The following CLPB variants were observed in gnomAD, a reference collection of about 807,000 sequenced individuals.
CLPB encodes the protein mitochondrial disaggregase.
In CLPB, 40 loss-of-function variants were observed where a neutral mutation model predicts 78.4. The observed-to-expected ratio is 0.51, with a 90% confidence interval of 0.40 to 0.66. The LOEUF is 0.66. CLPB is among the 30% of genes least tolerant of loss of function. The pLI, the probability that CLPB is intolerant of heterozygous loss-of-function variation, is 0.00. For synonymous variants in CLPB, 333 were observed against 348.0 expected (o/e 0.96, Z 0.48); for missense variants, 780 against 886.9 (o/e 0.88, Z 1.53).
intron 11 of CLPB, among the ~76,000 whole-genome samples, chr11:72,298,222 TCTTA>T (rs1266027594): frequency 5.9e-5 from 9 of 152,130 alleles, no homozygotes; most frequent in African/African-American, 1.9e-4. Context: ...GCAATAGGGT[TCTTA>T]CTTTTCTGGG....
intron 2 of CLPB, among the ~76,000 whole-genome samples, chr11:72,422,658 A>C (rs545820670): frequency 2.0e-5 from 3 of 152,314 alleles, no homozygotes; most frequent in African/African-American, 7.2e-5. Context: ...GGATATTTAC[A>C]TACTTCCTGA....
At chr11:72,375,783 G>A (rs985978732) in intron 4 of CLPB, among the ~76,000 whole-genome samples, 3 of 152,208 alleles carry the variant, frequency 2.0e-5, no homozygotes, top group African/African-American at 7.2e-5. Context: ...CAGAGTGCCT[G>A]ATACTCGGTA....
intron 6 of CLPB, among the ~76,000 whole-genome samples, chr11:72,326,544 T>G (rs1053889746): frequency 2.6e-5 from 4 of 152,182 alleles, no homozygotes; most frequent in Admixed American, 1.3e-4. Flanking sequence ...ATAATTTGAC[T>G]ACAGAGTGGT....
At chr11:72,430,183 G>T in intron 2 of CLPB, 129 bp downstream of exon 2, 1 of 846,822 alleles carries the variant, frequency 1.2e-6, no homozygotes, top group Non-Finnish European at 1.9e-6. Context: ...TGTGACTACA[G>T]AGATGTCACA....
chr11:72,394,363 AT>A (rs1276191151), intron 3 of CLPB, among the ~76,000 whole-genome samples: 2 of 151,934 alleles, frequency 1.3e-5, no homozygotes, highest in Non-Finnish European at 2.9e-5. Flanking sequence ...ATGCTTTCCT[AT>A]CCCCAACTGC....
At chr11:72,341,040 G>A (rs997743390) in intron 5 of CLPB, among the ~76,000 whole-genome samples, 4 of 152,144 alleles carry the variant, frequency 2.6e-5, no homozygotes, top group Non-Finnish European at 5.9e-5. Flanking sequence ...AGCCAGGATG[G>A]TCATCTCCTG....
intron 6 of CLPB, among the ~76,000 whole-genome samples, chr11:72,318,067 A>C (rs1949980798): frequency 6.6e-6 from 1 of 152,258 alleles, no homozygotes; most frequent in Non-Finnish European, 1.5e-5. Context: ...TCTTTCACTA[A>C]AAACACAAAA....
intron 5 of CLPB, among the ~76,000 whole-genome samples, chr11:72,330,689 A>G (rs1376605178): frequency 1.3e-5 from 2 of 152,248 alleles, no homozygotes; most frequent in African/African-American, 4.8e-5. Flanking sequence ...AGGATGCAGA[A>G]GAATCAGATC....
intron 1 of CLPB, 70 bp downstream of exon 1, chr11:72,434,001 AC>A: frequency 6.5e-7 from 1 of 1,540,774 alleles, no homozygotes; most frequent in East Asian, 2.3e-5. Flanking sequence ...AGTACCTCCC[AC>A]CCTCCTAAGA....
Position 72,385,772 on chromosome 11 carries a change from G to A in CLPB, c.543-5388C>T, listed in dbSNP as rs1197137111. Among the ~76,000 whole-genome samples the A allele has an allele frequency of 2.6e-5, 4 of 152,154 alleles. 1 individual carries two copies. Among genetic ancestry groups the A allele is most frequent in the African/African-American group, 7.2e-5 (3 of 41,428 alleles). On this transcript the variant is annotated intron_variant, in intron 3 of 15. Transcript: ENST00000538039. ...CGGGAGGCGGAGGATGCAGTGAGCC[G>A]AGATCGCGCCACTGCATCAAGCCTG...
intron 3 of CLPB, among the ~76,000 whole-genome samples, chr11:72,381,228 T>C (rs760694362): frequency 3.0e-4 from 45 of 152,064 alleles, no homozygotes; most frequent in Non-Finnish European, 5.3e-4. Flanking sequence ...CATACACTCA[T>C]GGGGGAAGGA....
intron 5 of CLPB, among the ~76,000 whole-genome samples, chr11:72,335,642 T>C (rs932783722): frequency 6.6e-6 from 1 of 152,218 alleles, no homozygotes. Flanking sequence ...TCTGCTCCCA[T>C]AGGTCTTTCG....
At chr11:72,385,540 T>C (rs1311939538) in intron 3 of CLPB, among the ~76,000 whole-genome samples, 1 of 152,214 alleles carries the variant, frequency 6.6e-6, no homozygotes, top group Non-Finnish European at 1.5e-5. Context: ...ATTGTTTTAC[T>C]GGCTGGGCAC....
intron 2 of CLPB, among the ~76,000 whole-genome samples, chr11:72,426,217 G>A (rs1425116864): frequency 6.6e-6 from 1 of 152,148 alleles, no homozygotes; most frequent in African/African-American, 2.4e-5. Context: ...AAGGGAGATG[G>A]GTAGGGGTGT....
intron 3 of CLPB, among the ~76,000 whole-genome samples, chr11:72,394,726 G>C (rs1855354923): frequency 6.6e-6 from 1 of 152,240 alleles, no homozygotes; most frequent in African/African-American, 2.4e-5. Flanking sequence ...CTTACTCAGA[G>C]ATAATCGGCC....
intron 7 of CLPB, among the ~76,000 whole-genome samples, chr11:72,309,902 G>A (rs1472428398): frequency 6.6e-6 from 1 of 152,068 alleles, no homozygotes; most frequent in Non-Finnish European, 1.5e-5. Flanking sequence ...CAGTGTTTGG[G>A]ATGTGTCTGC....
At chr11:72,318,573 A>G (rs1949991175) in intron 6 of CLPB, among the ~76,000 whole-genome samples, 1 of 152,220 alleles carries the variant, frequency 6.6e-6, no homozygotes, top group Admixed American at 6.5e-5. Context: ...GCCCTGTCAC[A>G]AAAGTTGTGG....
chr11:72,395,962 C>G (rs1855394192), intron 3 of CLPB, among the ~76,000 whole-genome samples: 2 of 152,178 alleles, frequency 1.3e-5, no homozygotes, highest in South Asian at 4.1e-4. Context: ...CCTTTAAAAC[C>G]TCTTCTGTAG....
chr11:72,344,779 T>A (rs1392595340), intron 5 of CLPB, among the ~76,000 whole-genome samples: 1 of 152,058 alleles, frequency 6.6e-6, no homozygotes, highest in Non-Finnish European at 1.5e-5. Flanking sequence ...TTTCTATATA[T>A]CACAGATAAA....
Sources: allele counts gnomAD v4.1 joint callset (sites outside exome capture counted in the v4.1 genomes callset), GRCh38; gene constraint gnomAD v4.1.1; transcripts MANE v1.5; gene names NCBI Gene and HGNC (gene_info 2026-07-23, HGNC 2026-07-21).